The following RNF217 variants were observed in gnomAD, a reference collection of about 807,000 sequenced individuals.
RNF217 encodes the protein ring finger protein 217.
A neutral mutation model predicts 57.8 loss-of-function variants in RNF217; 31 were observed. The observed-to-expected ratio is 0.54, with a 90% confidence interval of 0.40 to 0.72. The LOEUF (loss-of-function observed/expected upper bound fraction) is 0.72, where lower values mean the gene tolerates loss of function less well. RNF217 is among the 30% of genes least tolerant of loss of function. The probability of loss-of-function intolerance (pLI) is 0.00; values close to 1 mark genes in which losing one functional copy is unlikely to be tolerated. For missense variants in RNF217, 696 were observed against 708.3 expected (o/e 0.98, Z 0.20); for synonymous variants, 313 against 294.0 (o/e 1.06, Z -0.66).
chr6:125,025,570 AGAAG>A (rs1213901361), intron 1 of RNF217, among the ~76,000 whole-genome samples: 3 of 119,644 alleles, frequency 2.5e-5, no homozygotes, highest in South Asian at 2.8e-4. Context: ...AAGGAAGAAA[AGAAG>A]GAAGGGAGGG....
At chr6:125,009,322 G>T (rs757892762) in intron 1 of RNF217, 11 of 1,369,590 alleles carry the variant, frequency 8.0e-6, no homozygotes, top group Admixed American at 5.1e-5. Context: ...TATTTGTGCT[G>T]CAGGAGCCCT....
rs1783377765 is a variant in RNF217, at chr6:124,963,265, G to T, written c.721G>T (p.Gly241Ter). 1 of 1,536,074 alleles carries T rather than the reference G, an allele frequency of 6.5e-7. No individual in the cohort carries two copies. The highest frequency in any genetic ancestry group is 8.7e-7 in the Non-Finnish European group (1 of 1,146,900). ...GCCGTTCTCCATGCCCAGCCTGTTG[G>T]GAGCTCCACCCTACTCTGGCCTGGG... ...PEPFSMPSLL[G>*]APPYSGLGGV... The change falls in exon 1 of 6, where the codon GGA becomes TGA. Residue 241 changes from glycine (G) to a stop codon, truncating the protein, a stop_gained. Transcript: ENST00000521654. LOFTEE classifies it high-confidence loss of function.
chr6:124,998,334 A>G (rs1784826737), intron 1 of RNF217, among the ~76,000 whole-genome samples: 1 of 152,160 alleles, frequency 6.6e-6, no homozygotes, highest in Admixed American at 6.5e-5. Context: ...CAGAGGTACA[A>G]ACTGCTGTGG....
At chr6:125,035,206 T>C (rs533644960) in intron 1 of RNF217, among the ~76,000 whole-genome samples, 44 of 152,112 alleles carry the variant, frequency 2.9e-4, no homozygotes, top group Non-Finnish European at 6.2e-4. Context: ...TCCTGCCTAA[T>C]TGCCCTGGCC....
At chr6:124,978,079 T>C (rs1784032984) in intron 1 of RNF217, among the ~76,000 whole-genome samples, 1 of 152,148 alleles carries the variant, frequency 6.6e-6, no homozygotes, top group African/African-American at 2.4e-5. Flanking sequence ...CTAATCATTA[T>C]GATAAAGATA....
At chr6:124,985,563 C>T (rs1480982177) in intron 1 of RNF217, among the ~76,000 whole-genome samples, 1 of 152,064 alleles carries the variant, frequency 6.6e-6, no homozygotes, top group Non-Finnish European at 1.5e-5. Context: ...TTAACTAAAT[C>T]TCTACATATT....
At chr6:125,079,264 G>T (rs1446368437) in intron 4 of RNF217, among the ~76,000 whole-genome samples, 1 of 152,026 alleles carries the variant, frequency 6.6e-6, no homozygotes, top group Non-Finnish European at 1.5e-5. Flanking sequence ...AATGGTACTG[G>T]GAATAAAAGT....
intron 1 of RNF217, among the ~76,000 whole-genome samples, chr6:125,027,864 G>A (rs1480188483): frequency 6.6e-6 from 1 of 152,120 alleles, no homozygotes; most frequent in Non-Finnish European, 1.5e-5. Flanking sequence ...GGGTGAGACG[G>A]TATCTCTTGT....
intron 1 of RNF217, among the ~76,000 whole-genome samples, chr6:125,006,813 G>A (rs1403488689): frequency 1.3e-5 from 2 of 152,316 alleles, no homozygotes; most frequent in East Asian, 3.9e-4. Flanking sequence ...GCCGGGTGTG[G>A]TGGTGCGTGC....
At chr6:125,066,962 GA>G (rs1304501065) in intron 3 of RNF217, among the ~76,000 whole-genome samples, 1 of 150,774 alleles carries the variant, frequency 6.6e-6, no homozygotes, top group Non-Finnish European at 1.5e-5. Flanking sequence ...GACTGACAAT[GA>G]TAAACACTAT....
rs1274666539 is a variant in RNF217, at chr6:125,032,569, G to T, written c.883-12642G>T. The stretch of plus-strand genomic sequence containing the variant: ...GGGTTAAATATTTAAGTTAAAAAAG[G>T]ACAAAATATGTATATTTGTATTTCA... On this transcript the variant is annotated intron_variant, in intron 1 of 5. Transcript: ENST00000521654. 3.3e-5 allele frequency among the ~76,000 whole-genome samples: 5 copies of T among 151,964 alleles called. No individual in the cohort carries two copies. The South Asian group carries it at 1.0e-3, about 31-fold the overall frequency.
Position 125,032,812 on chromosome 6 carries a change from A to C in RNF217, c.883-12399A>C, listed in dbSNP as rs117188038. ...CGAACATTCAGATAGTAAGGAGGGA[A>C]GAAAAGTTTAAGTAATGTAAAAAAG... On this transcript the variant is annotated intron_variant, in intron 1 of 5. Coordinates refer to ENST00000521654, the MANE Select transcript of RNF217 (RefSeq NM_001286398.3). Among the ~76,000 whole-genome samples the C allele has an allele frequency of 1.2e-3, 176 of 152,342 alleles. 2 individuals are homozygous for C. The East Asian group carries it at 0.03, about 26-fold the overall frequency.
At chr6:125,045,152 A>G in intron 1 of RNF217, 59 bp from the exon 2 acceptor site, 1 of 1,144,818 alleles carries the variant, frequency 8.7e-7, no homozygotes, top group East Asian at 2.4e-5. Context: ...ACAAAAAAAA[A>G]AATGAAAGAA....
intron 1 of RNF217, among the ~76,000 whole-genome samples, chr6:124,976,291 C>G (rs1162190655): frequency 2.5e-5 from 1 of 40,376 alleles, no homozygotes; most frequent in African/African-American, 6.0e-5. Flanking sequence ...CTCTCCTTTC[C>G]TCCCTTCCTC....
intron 1 of RNF217, among the ~76,000 whole-genome samples, chr6:125,022,555 T>C (rs1785886127): frequency 6.6e-6 from 1 of 152,082 alleles, no homozygotes; most frequent in African/African-American, 2.4e-5. Flanking sequence ...CAGCCAGGGG[T>C]GTGGTTGTTC....
At position 125,089,976 on chromosome 6, in the gene RNF217, GT is replaced by G. The variant is rs949850057; in HGVS notation, c.*7040del. On this transcript the variant is annotated 3_prime_UTR_variant, in exon 6 of 6. Coordinates refer to ENST00000521654, the MANE Select transcript of RNF217 (RefSeq NM_001286398.3). ...GCTTTATGTTTCTTTATAATGAAAA[GT>G]CTAGATAAAGTATCATAATTTCATT... 1 of 151,832 alleles carries G rather than the reference GT, an allele frequency of 6.6e-6. No individual in the cohort carries two copies. Among genetic ancestry groups the G allele is most frequent in the African/African-American group, 2.4e-5 (1 of 41,292 alleles). The allele number at this position is 151,832 out of a possible 1,614,324, so 9.4% of individuals were successfully genotyped here. A position where few individuals can be genotyped will look rare whatever the true frequency, so the allele number is the denominator to read the frequency against.
intron 1 of RNF217, among the ~76,000 whole-genome samples, chr6:125,006,567 A>C (rs1290333222): frequency 6.6e-6 from 1 of 152,270 alleles, no homozygotes; most frequent in Non-Finnish European, 1.5e-5. Flanking sequence ...ATGAAAGCAT[A>C]CTATTCTGAG....
chr6:125,004,556 T>C (rs1344699657), intron 1 of RNF217, among the ~76,000 whole-genome samples: 1 of 152,202 alleles, frequency 6.6e-6, no homozygotes, highest in East Asian at 1.9e-4. Flanking sequence ...CCTAGGAAAT[T>C]GCCTCCAAAG....
intron 3 of RNF217, among the ~76,000 whole-genome samples, chr6:125,060,182 C>G (rs1299621379): frequency 1.3e-5 from 2 of 151,922 alleles, no homozygotes; most frequent in African/African-American, 2.4e-5. Context: ...ATAAATATAT[C>G]TTTTACCATT....
Sources: gnomAD v4.1 joint callset for allele counts (sites outside exome capture counted in the v4.1 genomes callset) on GRCh38, gnomAD v4.1.1 for gene constraint, MANE v1.5 for transcripts, NCBI Gene and HGNC (gene_info 2026-07-23, HGNC 2026-07-21) for gene names.